FOXN3: variants seen among roughly 807,000 people sequenced by gnomAD.
The protein encoded by FOXN3 is forkhead box protein N3.
FOXN3 carries 7 observed loss-of-function variants against 38.4 expected under a neutral mutation model. That is an observed-to-expected ratio of 0.18 (90% CI 0.10 to 0.34). The LOEUF (loss-of-function observed/expected upper bound fraction) is 0.34. FOXN3 is among the 10% of genes least tolerant of loss of function. FOXN3 has a pLI of 1.00. For missense variants in FOXN3, 456 were observed against 613.4 expected (o/e 0.74, Z 2.71); for synonymous variants, 230 against 242.2 (o/e 0.95, Z 0.47).
intron 4 of FOXN3, among the ~76,000 whole-genome samples, chr14:89,266,893 A>C (rs1157251445): frequency 1.3e-5 from 2 of 152,160 alleles, no homozygotes; most frequent in Non-Finnish European, 2.9e-5. Flanking sequence ...AGCAACACCA[A>C]AAGCTCATTT....
intron 2 of FOXN3, among the ~76,000 whole-genome samples, chr14:89,399,469 A>G (rs1208829302): frequency 2.6e-5 from 4 of 152,180 alleles, no homozygotes; most frequent in Admixed American, 2.6e-4. Context: ...TTGCTCTCTG[A>G]CACTGCTCCC....
Position 89,481,431 on chromosome 14 carries a change from T to C in FOXN3, c.-14-68941A>G, listed in dbSNP as rs1169515661. ...CCGGCTCGTCTTCTCATTGGTGTCA[T>C]AAAGGGCTGGACTCCTGGCTCACGG... On this transcript the variant is annotated intron_variant, in intron 1 of 6. Coordinates refer to the FOXN3 transcript ENST00000345097. 2.6e-5 allele frequency among the ~76,000 whole-genome samples: 4 copies of C among 151,990 alleles called. No individual in the cohort carries two copies. The East Asian group carries it at 7.7e-4, about 29-fold the overall frequency.
At chr14:89,480,203 C>G (rs533145789) in intron 1 of FOXN3, among the ~76,000 whole-genome samples, 1 of 152,192 alleles carries the variant, frequency 6.6e-6, no homozygotes, top group East Asian at 1.9e-4. Context: ...CAGATCGAGA[C>G]CATCCTGGCT....
rs368359011 is a variant in FOXN3, at chr14:89,161,556, CGT to C, written c.*856_*857del. 0.11 allele frequency: 11,821 copies of C among 109,288 alleles called. 683 individuals carry two copies. The highest frequency in any genetic ancestry group is 0.2 in the African/African-American group (6,536 of 32,528). The allele number at this position is 109,288 out of a possible 1,614,324, so 6.8% of individuals were successfully genotyped here. A position where few individuals can be genotyped will look rare whatever the true frequency, so the allele number is the denominator to read the frequency against. On this transcript the variant is annotated 3_prime_UTR_variant, in exon 6 of 6. Coordinates refer to ENST00000557258, the MANE Select transcript of FOXN3 (RefSeq NM_005197.4). ...CCATCAGTTTTCTCTCTCTCTCCTT[CGT>C]GTGTGTGTGTGTGTGTGTGTGTGTG...
chr14:89,500,342 T>G (rs1006340635), intron 1 of FOXN3, among the ~76,000 whole-genome samples: 20 of 152,288 alleles, frequency 1.3e-4, no homozygotes, highest in Middle Eastern at 6.8e-3. Flanking sequence ...ATGAGTCAAT[T>G]GCAGAAGTCT....
chr14:89,342,756 A>T (rs1451603621), intron 3 of FOXN3, among the ~76,000 whole-genome samples: 3 of 152,170 alleles, frequency 2.0e-5, no homozygotes, highest in African/African-American at 7.2e-5. Context: ...TGATTTTTTT[A>T]AATTTAATAT....
At position 89,417,051 on chromosome 14, in the gene FOXN3, C is replaced by T. The variant is rs1891760932; in HGVS notation, c.-195G>A. 6.9e-6 allele frequency: 1 copy of T among 143,992 alleles called. No individual in the cohort carries two copies. Among genetic ancestry groups the T allele is most frequent in the Non-Finnish European group, 1.5e-5 (1 of 65,058 alleles). 8.9% of individuals were successfully genotyped at this position (143,992 alleles called of 1,614,324 possible). A position where few individuals can be genotyped will look rare whatever the true frequency, so the allele number is the denominator to read the frequency against. On this transcript the variant is annotated 5_prime_UTR_variant, in exon 1 of 6. Coordinates refer to ENST00000557258, the MANE Select transcript of FOXN3 (RefSeq NM_005197.4). ...GCCGCGGGCGCGGGCGGCAGGGGCG[C>T]GGGGGTCGCGGCGCGGCATGGGACC...
intron 1 of FOXN3, among the ~76,000 whole-genome samples, chr14:89,468,189 C>A (rs1893019156): frequency 1.3e-5 from 2 of 151,868 alleles, no homozygotes; most frequent in Non-Finnish European, 2.9e-5. Flanking sequence ...CCCAGTGACT[C>A]ACTTCTGTAA....
chr14:89,165,833 C>G (rs570989067), intron 5 of FOXN3, among the ~76,000 whole-genome samples: 3 of 152,332 alleles, frequency 2.0e-5, no homozygotes, highest in Non-Finnish European at 4.4e-5. Flanking sequence ...TAACATCAAA[C>G]AGTTTCATAG....
At chr14:89,587,936 C>T (rs1461546544) in intron 1 of FOXN3, among the ~76,000 whole-genome samples, 1 of 148,498 alleles carries the variant, frequency 6.7e-6, no homozygotes, top group East Asian at 2.0e-4. Context: ...GAGCAATGGG[C>T]ATATGGGGGC....
chr14:89,331,394 C>T (rs1157371234), intron 3 of FOXN3, among the ~76,000 whole-genome samples: 1 of 152,172 alleles, frequency 6.6e-6, no homozygotes, highest in Non-Finnish European at 1.5e-5. Context: ...CATTCTTTTC[C>T]AAGGCTGAGT....
At chr14:89,510,904 CTGCA>C (rs1894043014) in intron 1 of FOXN3, among the ~76,000 whole-genome samples, 4 of 152,170 alleles carry the variant, frequency 2.6e-5, no homozygotes, top group Non-Finnish European at 5.9e-5. Flanking sequence ...GATCACACCA[CTGCA>C]CTCCAGCCTG....
chr14:89,204,208 G>T (rs1373055065), intron 4 of FOXN3, among the ~76,000 whole-genome samples: 3 of 152,128 alleles, frequency 2.0e-5, no homozygotes, highest in Non-Finnish European at 4.4e-5. Context: ...ACATTTCCCA[G>T]TGGAGACTTG....
rs1194662641 is a variant in FOXN3 at position 89,161,021 on chromosome 14, A to G, written c.*1393T>C. On this transcript the variant is annotated 3_prime_UTR_variant, in exon 6 of 6. Transcript: ENST00000557258. The stretch of plus-strand genomic sequence containing the variant: ...AAATTACAGGCATAGCCTTTTCTCT[A>G]TTTTCTATATTTATATGAAAATAAT... The G allele has an allele frequency of 1.3e-5, 2 of 152,206 alleles. No individual in the cohort carries two copies. Among genetic ancestry groups the G allele is most frequent in the South Asian group, 2.1e-4 (1 of 4,834 alleles). 9.4% of individuals were successfully genotyped at this position (152,206 alleles called of 1,614,324 possible).
intron 1 of FOXN3, among the ~76,000 whole-genome samples, chr14:89,462,687 CTTT>C (rs1231830649): frequency 5.0e-5 from 7 of 140,280 alleles, no homozygotes; most frequent in African/African-American, 7.8e-5. Context: ...TCCTCTTCTT[CTTT>C]TTTTTTTTTT....
chr14:89,317,468 A>G (rs938173741), intron 3 of FOXN3, among the ~76,000 whole-genome samples: 4 of 152,218 alleles, frequency 2.6e-5, no homozygotes, highest in African/African-American at 9.6e-5. Flanking sequence ...AGAAATCATT[A>G]GACAGTCATT....
intron 3 of FOXN3, among the ~76,000 whole-genome samples, chr14:89,316,862 G>A (rs1046514784): frequency 6.6e-6 from 1 of 151,172 alleles, no homozygotes; most frequent in African/African-American, 2.4e-5. Flanking sequence ...ACGGGGTTTC[G>A]CCATGTTGGC....
In FOXN3 at chr14:89,487,955, G is replaced by A. The variant is rs779504142; in HGVS notation, c.-14-75465C>T. Among the ~76,000 whole-genome samples the A allele has an allele frequency of 5.3e-5, 8 of 152,276 alleles. No individual in the cohort carries two copies. The South Asian group carries it at 8.3e-4, about 16-fold the overall frequency. ...CAGACAGCAACCAAAGCGAAGGCCCGGAGGTTGGAAAGCGTGAGGGCTATT... is the reference window on the plus strand; with the variant it reads ...CAGACAGCAACCAAAGCGAAGGCCCAGAGGTTGGAAAGCGTGAGGGCTATT... On this transcript the variant is annotated intron_variant, in intron 1 of 6. Coordinates refer to the FOXN3 transcript ENST00000345097.
chr14:89,392,089 T>C (rs182885417), intron 2 of FOXN3, among the ~76,000 whole-genome samples: 207 of 152,254 alleles, frequency 1.4e-3, no homozygotes, highest in African/African-American at 4.7e-3. Context: ...CCTAACTTTA[T>C]GGCATTTCTT....
Sources: gnomAD v4.1 joint callset for allele counts (sites outside exome capture counted in the v4.1 genomes callset) on GRCh38, gnomAD v4.1.1 for gene constraint, MANE v1.5 for transcripts, NCBI Gene and HGNC (gene_info 2026-07-23, HGNC 2026-07-21) for gene names.